The following ANKRD42 variants were observed in gnomAD, a reference collection of about 807,000 sequenced individuals.
ANKRD42 encodes ankyrin repeat domain-containing protein 42.
A neutral mutation model predicts 51.5 loss-of-function variants in ANKRD42; 43 were observed. The ratio of observed to expected loss-of-function variants is 0.83; its 90% CI spans 0.65 to 1.08. The LOEUF is 1.08. Ranked by LOEUF, ANKRD42 falls within the 50% of genes least tolerant of loss-of-function variation. The pLI is 0.00. For missense variants in ANKRD42, 608 were observed against 629.3 expected (o/e 0.97, Z 0.36); for synonymous variants, 203 against 213.0 (o/e 0.95, Z 0.41).
In ANKRD42 at chr11:83,228,246, T is replaced by C. The variant is rs975827810; in HGVS notation, c.913+374T>C. The stretch of plus-strand genomic sequence containing the variant: ...CTCTCTCTCTCTTTTTTTTTTTTTT[T>C]TTTTTTTTTTTTTTTTTTTTTTTAG... On this transcript the variant is annotated intron_variant, in intron 7 of 10. Transcript: ENST00000533342. 2.4e-3 allele frequency among the ~76,000 whole-genome samples: 282 copies of C among 119,216 alleles called. 12 individuals are homozygous for C. Among genetic ancestry groups the C allele is most frequent in the Non-Finnish European group, 2.8e-3 (157 of 55,606 alleles). 78.2% of individuals were successfully genotyped at this position (119,216 alleles called of 152,430 possible).
chr11:83,222,396 G>A (rs947363677), intron 5 of ANKRD42, among the ~76,000 whole-genome samples: 4 of 152,142 alleles, frequency 2.6e-5, no homozygotes, highest in Admixed American at 6.5e-5. Flanking sequence ...TGGTGCTGAG[G>A]GGAGAGACAG....
chr11:83,248,741 G>A lies in ANKRD42; in HGVS notation c.*537G>A. ...ATTAAAATAATAAAACATGTTTGTT[G>A]TATAGTGTTAAAAACAAGATAGATG... On this transcript the variant is annotated 3_prime_UTR_variant, in exon 11 of 11. Coordinates refer to ENST00000533342, the MANE Select transcript of ANKRD42 (RefSeq NM_001300975.2). 1 of 975,780 alleles carries A rather than the reference G, an allele frequency of 1.0e-6. No homozygotes were observed. Among genetic ancestry groups the A allele is most frequent in the Non-Finnish European group, 1.2e-6 (1 of 821,196 alleles). 60.4% of individuals were successfully genotyped at this position (975,780 alleles called of 1,614,324 possible).
chr11:83,202,235 T>C (rs190168097), intron 2 of ANKRD42, among the ~76,000 whole-genome samples: 6 of 152,338 alleles, frequency 3.9e-5, no homozygotes, highest in Admixed American at 1.3e-4. Context: ...CCCAGCACCA[T>C]TTATTAAACA....
chr11:83,223,839 A>G (rs1862790725), intron 5 of ANKRD42, among the ~76,000 whole-genome samples: 1 of 151,964 alleles, frequency 6.6e-6, no homozygotes, highest in Non-Finnish European at 1.5e-5. Context: ...CATAATCAAG[A>G]TATGTGAATT....
downstream of ANKRD42, chr11:83,259,407 A>G (rs752583367): frequency 3.9e-5 from 6 of 152,222 alleles, no homozygotes; most frequent in South Asian, 1.0e-3. Flanking sequence ...GCATATTTCT[A>G]TTCTTCTGTT....
chr11:83,193,909 G>C lies in ANKRD42; in HGVS notation c.-762G>C, dbSNP rs1207927300. On this transcript the variant is annotated 5_prime_UTR_variant, in exon 1 of 11. Transcript: ENST00000533342. ...AAACGGTCTACACGGCCATTCCGGC[G>C]CCGAGTCTAGGGAAAGAGTTAGCGA... The C allele has an allele frequency of 1.1e-5, 5 of 454,332 alleles. No homozygotes were observed. Among genetic ancestry groups the C allele is most frequent in the Non-Finnish European group, 1.8e-5 (4 of 225,288 alleles). The allele number at this position is 454,332 out of a possible 1,614,324, so 28.1% of individuals were successfully genotyped here.
chr11:83,204,691 T>G (rs1862001695), intron 2 of ANKRD42, among the ~76,000 whole-genome samples: 2 of 151,948 alleles, frequency 1.3e-5, no homozygotes, highest in African/African-American at 4.8e-5. Flanking sequence ...ATGCAAAAAT[T>G]TACTCAAAAC....
chr11:83,217,231 T>C (rs1862568927), intron 5 of ANKRD42, among the ~76,000 whole-genome samples: 1 of 152,212 alleles, frequency 6.6e-6, no homozygotes, highest in Admixed American at 6.5e-5. Flanking sequence ...TCCAGGGTAC[T>C]GAATGTTCAA....
At chr11:83,236,170 C>T (rs945840223) in intron 7 of ANKRD42, among the ~76,000 whole-genome samples, 2 of 152,028 alleles carry the variant, frequency 1.3e-5, no homozygotes, top group African/African-American at 4.8e-5. Flanking sequence ...CTTTTATATC[C>T]GTGTGTAAAA....
At chr11:83,224,799 A>G (rs1419428552) in intron 5 of ANKRD42, 56 bp from the exon 6 acceptor site, 9 of 1,356,330 alleles carry the variant, frequency 6.6e-6, no homozygotes, top group Admixed American at 2.5e-5. Flanking sequence ...ACATACATAC[A>G]TACATAAAAA....
At chr11:83,211,664 A>T (rs372106815) in intron 5 of ANKRD42, among the ~76,000 whole-genome samples, 5 of 151,590 alleles carry the variant, frequency 3.3e-5, no homozygotes, top group African/African-American at 9.7e-5. Flanking sequence ...GAAAGAAAAA[A>T]GCTGGGTATT....
chr11:83,257,121 C>T (rs1030227573), downstream of ANKRD42, among the ~76,000 whole-genome samples: 1 of 152,146 alleles, frequency 6.6e-6, no homozygotes, highest in Admixed American at 6.5e-5. Context: ...CACTTGCTTA[C>T]GGACCCTTAG....
At chr11:83,252,738 G>A (rs1863696743), downstream of ANKRD42, among the ~76,000 whole-genome samples, 1 of 151,812 alleles carries the variant, frequency 6.6e-6, no homozygotes, top group Non-Finnish European at 1.5e-5. Context: ...ACAGGGGTGT[G>A]TTCACTTTGT....
At chr11:83,213,988 T>G (rs1413530736) in intron 5 of ANKRD42, 1 of 152,638 alleles carries the variant, frequency 6.6e-6, no homozygotes, top group East Asian at 1.9e-4. Context: ...CCTCCCGGAT[T>G]CAAGCGATTC....
At chr11:83,202,053 A>G (rs933209118) in intron 2 of ANKRD42, among the ~76,000 whole-genome samples, 1 of 152,162 alleles carries the variant, frequency 6.6e-6, no homozygotes, top group Non-Finnish European at 1.5e-5. Flanking sequence ...TGTTTTAGTC[A>G]TGAAGTCTTT....
chr11:83,256,382 A>G (rs1436235774), downstream of ANKRD42, among the ~76,000 whole-genome samples: 1 of 152,210 alleles, frequency 6.6e-6, no homozygotes, highest in Non-Finnish European at 1.5e-5. Context: ...CGTAACTGCA[A>G]GCTTTTTAAG....
chr11:83,212,985 G>T, intron 5 of ANKRD42: 2 of 1,596,702 alleles, frequency 1.3e-6, no homozygotes, highest in Non-Finnish European at 8.5e-7. Flanking sequence ...GGAGGTGGCA[G>T]CCATCTCCTC....
chr11:83,230,647 C>T (rs146500161), intron 7 of ANKRD42, among the ~76,000 whole-genome samples: 178 of 151,886 alleles, frequency 1.2e-3, no homozygotes, highest in South Asian at 7.1e-3. Flanking sequence ...AGTGCAGTGG[C>T]GCGATCTCTG....
Position 83,248,447 on chromosome 11 carries a change from A to G in ANKRD42, c.*243A>G. On this transcript the variant is annotated 3_prime_UTR_variant, in exon 11 of 11. Coordinates refer to ENST00000533342, the MANE Select transcript of ANKRD42 (RefSeq NM_001300975.2). ...TTAACATTGTACCATAGAAGGAGAA[A>G]ATGTTTTCATAAGTAATCAATCAGA... is the stretch of plus-strand genomic sequence containing the variant. The G allele has an allele frequency of 8.5e-7, 1 of 1,176,180 alleles. No individual in the cohort carries two copies. The highest frequency in any genetic ancestry group is 1.0e-6 in the Non-Finnish European group (1 of 954,310). 72.9% of individuals were successfully genotyped at this position (1,176,180 alleles called of 1,614,324 possible). A position where few individuals can be genotyped will look rare whatever the true frequency, so the allele number is the denominator to read the frequency against.
Sources: allele counts gnomAD v4.1 joint callset (sites outside exome capture counted in the v4.1 genomes callset), GRCh38; gene constraint gnomAD v4.1.1; transcripts MANE v1.5; gene names NCBI Gene and HGNC (gene_info 2026-07-23, HGNC 2026-07-21).